ABCA12: variants seen among roughly 807,000 people sequenced by gnomAD.
The protein encoded by ABCA12 is ATP binding cassette subfamily A member 12, also known as glucosylceramide transporter ABCA12.
A neutral mutation model predicts 293.5 loss-of-function variants in ABCA12; 156 were observed. The ratio of observed to expected loss-of-function variants is 0.53; its 90% CI spans 0.47 to 0.61. The LOEUF is 0.61. Ranked by LOEUF, ABCA12 falls within the 20% of genes least tolerant of loss-of-function variation. The pLI is 0.00. For synonymous variants in ABCA12, 1,063 were observed against 1,108.0 expected, an observed-to-expected ratio of 0.96 and a Z score of 0.81; for missense variants, 2,797 against 3,090.2, an observed-to-expected ratio of 0.91 and a Z score of 2.25.
intron 11 of ABCA12, chr2:215,023,382 A>G (rs1017337949): frequency 6.6e-6 from 1 of 152,210 alleles, no homozygotes. Context: ...ATAAATGATG[A>G]TAGATTTTCT....
At chr2:215,006,331 C>T (rs1039361742) in intron 19 of ABCA12, among the ~76,000 whole-genome samples, 21 of 152,014 alleles carry the variant, frequency 1.4e-4, no homozygotes, top group African/African-American at 4.8e-4. Context: ...AAGTAGCCTT[C>T]GTTTTCTGAG....
chr2:214,970,560 A>C (rs1490619373), intron 36 of ABCA12, among the ~76,000 whole-genome samples, 160 bp from the exon 37 acceptor site: 1 of 152,144 alleles, frequency 6.6e-6, no homozygotes, highest in African/African-American at 2.4e-5. Context: ...AAAAGAAGTC[A>C]TCTCACCTAC....
In ABCA12 at chr2:214,954,008, C is replaced by G; in HGVS notation, c.6493G>C (p.Val2165Leu). 1.2e-6 allele frequency: 2 copies of G among 1,614,024 alleles called. No homozygotes were observed. The highest frequency in any genetic ancestry group is 1.7e-6 in the Non-Finnish European group (2 of 1,179,980). ...GLIELSQQQS[V>L]LDFLKAYGVE... Reference sequence around the variant, plus strand: ...CCATATGCTTTTAAGAAGTCTAGGACCGACTGTTGTTGAGAAAGTTCAATC... The same window carrying G: ...CCATATGCTTTTAAGAAGTCTAGGAGCGACTGTTGTTGAGAAAGTTCAATC... The change falls in exon 44 of 53, where the codon GTC becomes CTC. Residue 2165 changes from valine (V) to leucine (L), a missense_variant. Val to Leu is a conservative substitution (Grantham distance 32, BLOSUM62 1). Transcript: ENST00000272895.
intron 3 of ABCA12, among the ~76,000 whole-genome samples, chr2:215,063,093 CA>C (rs1439930130): frequency 6.6e-6 from 1 of 151,860 alleles, no homozygotes; most frequent in Non-Finnish European, 1.5e-5. Context: ...ACAACAAAAT[CA>C]GTGTGAATCA....
chr2:215,066,902 C>A (rs1241298128), intron 2 of ABCA12, among the ~76,000 whole-genome samples: 1 of 152,124 alleles, frequency 6.6e-6, no homozygotes, highest in Non-Finnish European at 1.5e-5. Flanking sequence ...TAAGTATCTA[C>A]TGTATCCCAT....
Position 215,107,278 on chromosome 2 carries a change from T to G in ABCA12, c.163+4319A>C, listed in dbSNP as rs74479045. ...GCTTGCCGCACATTACAGCTTGGCT[T>G]AGTCTAAGTGTGTCTTGTAGAGATT... On this transcript the variant is annotated intron_variant, in intron 2 of 52. Transcript: ENST00000272895. 1.5e-3 allele frequency among the ~76,000 whole-genome samples: 230 copies of G among 152,340 alleles called. 2 individuals are homozygous for G. The East Asian group carries it at 0.023, about 15-fold the overall frequency.
chr2:215,029,418 C>T (rs943168913), intron 9 of ABCA12: 1 of 152,308 alleles, frequency 6.6e-6, no homozygotes. Flanking sequence ...CCTTTCCCCA[C>T]ACTTCCCAAT....
intron 38 of ABCA12, among the ~76,000 whole-genome samples, chr2:214,967,883 G>T (rs534329438): frequency 3.3e-5 from 5 of 152,096 alleles, no homozygotes; most frequent in African/African-American, 1.2e-4. Flanking sequence ...AATATGTGTA[G>T]ACAATTTTAA....
At chr2:215,073,163 G>A (rs937974907) in intron 2 of ABCA12, among the ~76,000 whole-genome samples, 8 of 152,090 alleles carry the variant, frequency 5.3e-5, no homozygotes, top group Admixed American at 5.2e-4. Flanking sequence ...GGTGAGTAGG[G>A]TTTATTAGTC....
chr2:215,034,450 G>A (rs1303744739), intron 8 of ABCA12, among the ~76,000 whole-genome samples: 2 of 152,156 alleles, frequency 1.3e-5, no homozygotes, highest in Non-Finnish European at 2.9e-5. Context: ...AAAAAATGTA[G>A]CATATGGCTT....
intron 39 of ABCA12, among the ~76,000 whole-genome samples, chr2:214,964,783 G>A (rs548338684): frequency 3.9e-5 from 6 of 152,020 alleles, no homozygotes; most frequent in Non-Finnish European, 8.8e-5. Context: ...AATCAATATC[G>A]CGAAAATGGC....
chr2:215,012,178 T>C (rs763022180), intron 15 of ABCA12, 43 bp from the exon 16 acceptor site: 13 of 1,588,614 alleles, frequency 8.2e-6, no homozygotes, highest in East Asian at 6.7e-5. Flanking sequence ...TGTGGAAAAA[T>C]TGAATCCTCA....
intron 3 of ABCA12, among the ~76,000 whole-genome samples, chr2:215,057,451 T>C (rs1701441752): frequency 6.6e-6 from 1 of 151,968 alleles, no homozygotes; most frequent in African/African-American, 2.4e-5. Context: ...TCCTAGAAAC[T>C]TCAAAAGCTC....
intron 2 of ABCA12, among the ~76,000 whole-genome samples, chr2:215,070,695 A>T (rs1052514277): frequency 6.6e-6 from 1 of 151,836 alleles, no homozygotes; most frequent in Non-Finnish European, 1.5e-5. Flanking sequence ...GTTCATCTTA[A>T]CAGTTAAAAA....
At chr2:214,971,600 T>C (rs1252798356) in intron 36 of ABCA12, among the ~76,000 whole-genome samples, 5 of 152,244 alleles carry the variant, frequency 3.3e-5, no homozygotes, top group Non-Finnish European at 5.9e-5. Context: ...ATGTGTTTTC[T>C]TGTGTCTGGT....
At chr2:214,989,869 A>G (rs1407864181) in intron 24 of ABCA12, among the ~76,000 whole-genome samples, 1 of 152,192 alleles carries the variant, frequency 6.6e-6, no homozygotes, top group African/African-American at 2.4e-5. Flanking sequence ...AAATCAAAAT[A>G]TACATTTGAA....
chr2:214,945,128 A>C, intron 48 of ABCA12, 24 bp from the exon 49 acceptor site: 2 of 1,570,474 alleles, frequency 1.3e-6, no homozygotes, highest in Non-Finnish European at 1.7e-6. Context: ...TACAACAAAA[A>C]TTTATCAAAT....
Position 214,978,380 on chromosome 2 carries a change from A to T in ABCA12, c.5064T>A (p.Asn1688Lys). Reference sequence around the variant, plus strand: ...CGTCAGGAGTTGAGATGCCATTGGCATTGGAATTCCCAATTTTCTTTTGTG... The same window carrying T: ...CGTCAGGAGTTGAGATGCCATTGGCTTTGGAATTCCCAATTTTCTTTTGTG... ...HLTQKKIGNS[N>K]ANGISTPDDL... is the part of the protein sequence containing the mutation. Residue 1688 changes from asparagine to lysine, a missense_variant, in exon 33 of 53, where the codon AAT (asparagine) becomes AAA (lysine). By Grantham distance (94) the Asn-to-Lys change is moderately conservative. This residue lies in a region of ABCA12 where 2,130 missense variants were observed against 2,427.0 expected (regional missense o/e 0.88). Coordinates refer to ENST00000272895, the MANE Select transcript of ABCA12 (RefSeq NM_173076.3). The T allele has an allele frequency of 1.9e-6, 3 of 1,614,030 alleles. No homozygotes were observed. The highest frequency in any genetic ancestry group is 2.2e-5 in the East Asian group (1 of 44,846).
At chr2:215,035,733 G>A (rs1412767205) in intron 8 of ABCA12, 4 of 151,160 alleles carry the variant, frequency 2.6e-5, no homozygotes, top group South Asian at 2.1e-4. Context: ...ACATGGTCAC[G>A]GTTAAATATT....
Sources: allele counts gnomAD v4.1 joint callset (sites outside exome capture counted in the v4.1 genomes callset), GRCh38; gene constraint gnomAD v4.1.1; regional missense constraint gnomAD v4.1.1; transcripts MANE v1.5; gene names NCBI Gene and HGNC (gene_info 2026-07-23, HGNC 2026-07-21).